Variants in BAIAP2L2 observed in about 807,000 individuals in gnomAD.
The protein encoded by BAIAP2L2 is BAR/IMD domain-containing adapter protein 2-like 2.
BAIAP2L2 carries 65 observed loss-of-function variants against 60.4 expected under a neutral mutation model. The observed-to-expected ratio is 1.08, with a 90% CI of 0.88 to 1.32. The LOEUF (loss-of-function observed/expected upper bound fraction) is 1.32, where lower values mean the gene tolerates loss of function less well. BAIAP2L2 is among the 40% of genes most tolerant of loss of function. The pLI is 0.00. For missense variants in BAIAP2L2, 836 were observed against 741.2 expected, an observed-to-expected ratio of 1.13 and a Z score of -1.48; for synonymous variants, 344 against 301.7, an observed-to-expected ratio of 1.14 and a Z score of -1.45.
In BAIAP2L2 at chr22:38,085,311, G is replaced by T. The variant is rs1319780503; in HGVS notation, c.1579C>A (p.Leu527Ile). ...PTITNDRSAPLIR is the reference protein window; with the variant it reads ...PTITNDRSAPIIR The stretch of plus-strand genomic sequence containing the variant: ...CCTCGGACCCCGCCTCAGCGGATGA[G>T]GGGTGCTGAGCGGTCATTGGTGATG... The change falls in exon 14 of 14, where the codon CTC (leucine) becomes ATC (isoleucine). Residue 527 changes from leucine (L) to isoleucine (I), a missense_variant. Physicochemically the swap from Leu to Ile is conservative, Grantham distance 5 (BLOSUM62 2). Coordinates refer to ENST00000381669, the MANE Select transcript of BAIAP2L2 (RefSeq NM_025045.6). The T allele has an allele frequency of 6.2e-7, 1 of 1,613,966 alleles. No individual in the cohort carries two copies. Among genetic ancestry groups the T allele is most frequent in the Admixed American group, 1.7e-5 (1 of 60,004 alleles).
chr22:38,088,725 G>C, intron 10 of BAIAP2L2, 23 bp downstream of exon 10: 1 of 1,566,274 alleles, frequency 6.4e-7, no homozygotes, highest in Non-Finnish European at 8.6e-7. Context: ...CCCACCCCCG[G>C]CCCCTCCAAG....
At chr22:38,107,073 ATT>A (rs2086679718) in intron 4 of BAIAP2L2, among the ~76,000 whole-genome samples, 1 of 152,142 alleles carries the variant, frequency 6.6e-6, no homozygotes, top group Non-Finnish European at 1.5e-5. Context: ...AGTTATTATG[ATT>A]CTCTCCATTC....
At chr22:38,105,402 C>T (rs1449084545) in intron 4 of BAIAP2L2, among the ~76,000 whole-genome samples, 2 of 145,718 alleles carry the variant, frequency 1.4e-5, no homozygotes, top group African/African-American at 2.6e-5. Context: ...TGCTGTGGTG[C>T]GATCTCTGCT....
chr22:38,107,835 T>C lies in BAIAP2L2; in HGVS notation c.276+17A>G. 6.2e-7 allele frequency: 1 copy of C among 1,611,278 alleles called. No individual in the cohort carries two copies. On this transcript the variant is annotated intron_variant, in intron 4 of 13. Coordinates refer to ENST00000381669, the MANE Select transcript of BAIAP2L2 (RefSeq NM_025045.6). ...TTCCTCGAGTGACCCCTCCAGGCCC[T>C]GGGGCCTGATACTCACCACCACCTC...
In BAIAP2L2 at chr22:38,089,173, T is replaced by TAGGAGCCGG. The variant is rs1306921083; in HGVS notation, c.815_823dup (p.Ser272_Ser274dup). The TAGGAGCCGG allele has an allele frequency of 6.1e-6, 8 of 1,305,392 alleles. No individual in the cohort carries two copies. The highest frequency in any genetic ancestry group is 6.8e-6 in the Non-Finnish European group (7 of 1,031,326). The allele number at this position is 1,305,392 out of a possible 1,614,324, so 80.9% of individuals were successfully genotyped here. ...GGGCCTCGCGTCGGGCTCGGTGCCG[T>TAGGAGCCGG]AGGAGCCGGAGCCGTGCCGGCTGCG... On this transcript the variant is annotated inframe_insertion, in exon 9 of 14. Coordinates refer to ENST00000381669, the MANE Select transcript of BAIAP2L2 (RefSeq NM_025045.6).
intron 1 of BAIAP2L2, 67 bp downstream of exon 1, chr22:38,110,408 G>T (rs978834127): frequency 1.3e-6 from 2 of 1,502,040 alleles, no homozygotes; most frequent in African/African-American, 2.7e-5. Flanking sequence ...CCGTCCTCCA[G>T]AGCGGGCCTG....
intron 10 of BAIAP2L2, 142 bp downstream of exon 10, chr22:38,088,606 G>A (rs2086171051): frequency 1.4e-5 from 11 of 786,874 alleles, no homozygotes; most frequent in Non-Finnish European, 1.9e-5. Flanking sequence ...CTGAGGCAGG[G>A]TGCGGGGGTC....
At chr22:38,086,485 T>TGGGGCC in intron 11 of BAIAP2L2, 36 bp from the exon 12 acceptor site, 1 of 1,448,072 alleles carries the variant, frequency 6.9e-7, no homozygotes, top group Non-Finnish European at 9.2e-7. Flanking sequence ...GGAAAGGGGT[T>TGGGGCC]GGGGCCTGTC....
At chr22:38,086,681 G>T (rs915891570) in intron 11 of BAIAP2L2, among the ~76,000 whole-genome samples, 7 of 152,080 alleles carry the variant, frequency 4.6e-5, no homozygotes, top group African/African-American at 1.7e-4. Flanking sequence ...AGGGGCTGAA[G>T]GGGGCTGGGC....
Position 38,086,240 on chromosome 22 carries a change from A to C in BAIAP2L2, c.1467+2T>G. 2 of 1,610,616 alleles carry C rather than the reference A, an allele frequency of 1.2e-6. No individual in the cohort carries two copies. The highest frequency in any genetic ancestry group is 1.7e-6 in the Non-Finnish European group (2 of 1,179,492). ...CCCAAGAGAGGGCGGGCAAGGGCTC[A>C]CCTTGACGTCAGTGGCAACTGCTGT... On this transcript the variant is annotated splice_donor_variant, in intron 12 of 13. Transcript: ENST00000381669. LOFTEE classifies it high-confidence loss of function.
intron 10 of BAIAP2L2, 82 bp from the exon 11 acceptor site, chr22:38,087,346 G>A (rs2086125239): frequency 2.0e-6 from 3 of 1,509,640 alleles, no homozygotes; most frequent in Admixed American, 2.4e-5. Flanking sequence ...CTCCCCTCAG[G>A]GTCACTGGAA....
chr22:38,101,090 A>T (rs2086556178), intron 4 of BAIAP2L2, among the ~76,000 whole-genome samples: 1 of 152,202 alleles, frequency 6.6e-6, no homozygotes, highest in Non-Finnish European at 1.5e-5. Context: ...CACTCAACAT[A>T]TTTAGGAACT....
chr22:38,107,076 C>T (rs1244886929), intron 4 of BAIAP2L2, among the ~76,000 whole-genome samples: 1 of 152,106 alleles, frequency 6.6e-6, no homozygotes, highest in Non-Finnish European at 1.5e-5. Flanking sequence ...TATTATGATT[C>T]TCTCCATTCC....
Position 38,110,485 on chromosome 22 carries a change from G to A in BAIAP2L2, c.41C>T (p.Ala14Val), listed in dbSNP as rs746333079. The A allele has an allele frequency of 1.2e-6, 2 of 1,612,004 alleles. No homozygotes were observed. Among genetic ancestry groups the A allele is most frequent in the South Asian group, 2.2e-5 (2 of 90,778 alleles). The change falls in exon 1 of 14, where the codon GCC (alanine) becomes GTC (valine). Residue 14 changes from alanine to valine, a missense_variant. Ala to Val is a moderately conservative substitution (Grantham distance 64, BLOSUM62 0). Transcript: ENST00000381669. ...CACCCATGTGCTCACCTTGTAGATG[G>A]CCATGGTGGACCTGTAGAACTGGTC... ...EMDQFYRSTM[A>V]IYKSIMEQFN...
Position 38,088,775 on chromosome 22 carries a change from A to G in BAIAP2L2, c.1091T>C (p.Leu364Pro), listed in dbSNP as rs1449685223. ...VLVPEAQNGW[L>P]YGKLEGSSAS... ...GGACGAGCCCTCCAGCTTGCCGTAG[A>G]GCCAGCCGTTCTGGGCCTCGGGCAC... The change falls in exon 10 of 14, where the codon CTC (leucine) becomes CCC (proline). Residue 364 changes from leucine to proline, a missense_variant. Physicochemically the swap from Leu to Pro is moderately conservative, Grantham distance 98. Transcript: ENST00000381669. 1.9e-6 allele frequency: 3 copies of G among 1,597,854 alleles called. No homozygotes were observed. Among genetic ancestry groups the G allele is most frequent in the Non-Finnish European group, 2.5e-6 (3 of 1,178,200 alleles).
rs370638503 is a variant in BAIAP2L2 at position 38,085,372 on chromosome 22, G to A, written c.1518C>T (p.Gly506=). The part of the protein sequence containing the change: ...QYPPQELFPR[G]TNPFATVKLR... ...GCTTGACAGTGGCAAAAGGATTTGT[G>A]CCCCTGTAGGAGGAGAGAGAGAATG... The change falls in exon 14 of 14, where the codon GGC becomes GGT. Residue 506 remains glycine (G), a synonymous_variant. Transcript: ENST00000381669. 1.2e-6 allele frequency: 2 copies of A among 1,613,732 alleles called. No homozygotes were observed.
intron 4 of BAIAP2L2, among the ~76,000 whole-genome samples, chr22:38,104,920 G>C (rs939768235): frequency 2.0e-5 from 3 of 152,056 alleles, no homozygotes; most frequent in African/African-American, 7.2e-5. Flanking sequence ...TTAGAGGGAG[G>C]GAGAGGCTGT....
At chr22:38,094,742 G>A (rs1022222620) in intron 7 of BAIAP2L2, among the ~76,000 whole-genome samples, 1 of 152,182 alleles carries the variant, frequency 6.6e-6, no homozygotes, top group Non-Finnish European at 1.5e-5. Context: ...GGGCAGATGA[G>A]AGCCTGAGCC....
chr22:38,088,716 C>CTGGG, intron 10 of BAIAP2L2, 32 bp downstream of exon 10: 1 of 1,159,968 alleles, frequency 8.6e-7, no homozygotes, highest in Non-Finnish European at 1.2e-6. Context: ...TCTTCTCAAC[C>CTGGG]CACCCCCGGC....
Sources: gnomAD v4.1 joint callset for allele counts (sites outside exome capture counted in the v4.1 genomes callset) on GRCh38, gnomAD v4.1.1 for gene constraint, MANE v1.5 for transcripts, NCBI Gene and HGNC (gene_info 2026-07-23, HGNC 2026-07-21) for gene names.